Variants in RNF216 observed in about 807,000 individuals in gnomAD.
RNF216 encodes the protein E3 ubiquitin-protein ligase RNF216.
In RNF216, 72 loss-of-function variants were observed where a neutral mutation model predicts 110.8. The observed-to-expected ratio is 0.65, with a 90% CI of 0.54 to 0.79. The LOEUF is 0.79. Ranked by LOEUF, RNF216 falls within the 30% of genes least tolerant of loss-of-function variation. RNF216 has a pLI of 0.00. For missense variants in RNF216, 1,342 were observed against 1,141.2 expected (o/e 1.18, Z -2.54); for synonymous variants, 495 against 407.5 (o/e 1.21, Z -2.59).
intron 15 of RNF216, among the ~76,000 whole-genome samples, chr7:5,627,751 A>G (rs902118471): frequency 6.6e-6 from 1 of 151,942 alleles, no homozygotes; most frequent in Non-Finnish European, 1.5e-5. Context: ...GTCTAAAAAA[A>G]AAAAAAAGAC....
intron 1 of RNF216, among the ~76,000 whole-genome samples, chr7:5,780,797 G>A (rs1158938742): frequency 1.3e-5 from 2 of 152,214 alleles, no homozygotes; most frequent in East Asian, 3.8e-4. Flanking sequence ...CAGGCCCTTA[G>A]GGATTTACAG....
Position 5,696,999 on chromosome 7 carries a change from C to T in RNF216, c.2061+14762G>A, listed in dbSNP as rs74572899. ...ATTACGCCAGCAACAGCTCCAGGGA[C>T]GGGGGTAGGGGAAGTCTCCAAAATA... On this transcript the variant is annotated intron_variant, in intron 13 of 16. Transcript: ENST00000389902. This position sits in a 1 kb window ranked among gnomAD's most constrained non-coding sequence, Gnocchi z 5.4. Among the ~76,000 whole-genome samples, 9 of 152,226 alleles carry T rather than the reference C, an allele frequency of 5.9e-5. No homozygotes were observed. Among genetic ancestry groups the T allele is most frequent in the East Asian group, 3.9e-4 (2 of 5,182 alleles).
intron 13 of RNF216, among the ~76,000 whole-genome samples, chr7:5,690,892 T>A (rs1791293819): frequency 6.6e-6 from 1 of 152,148 alleles, no homozygotes; most frequent in Admixed American, 6.5e-5. Context: ...TACACATTCA[T>A]CATGGAATTG....
intron 13 of RNF216, among the ~76,000 whole-genome samples, chr7:5,678,822 A>G (rs1478009979): frequency 1.3e-5 from 2 of 152,204 alleles, no homozygotes; most frequent in East Asian, 3.9e-4. Flanking sequence ...TCATCAGGGA[A>G]GACATGAGAG....
intron 13 of RNF216, among the ~76,000 whole-genome samples, chr7:5,710,517 A>G (rs1052591340): frequency 2.6e-5 from 4 of 152,174 alleles, no homozygotes; most frequent in Non-Finnish European, 5.9e-5. Flanking sequence ...TAAGCAACTC[A>G]TGAAGACCCA....
chr7:5,766,944 A>G (rs1179912890), intron 1 of RNF216: 2 of 152,238 alleles, frequency 1.3e-5, no homozygotes, highest in African/African-American at 4.8e-5. Context: ...CAGAGGCTAA[A>G]AGAGAGAATA....
At chr7:5,755,241 AG>A (rs1795570975) in intron 2 of RNF216, among the ~76,000 whole-genome samples, 1 of 1,612 alleles carries the variant, frequency 6.2e-4, no homozygotes, top group Non-Finnish European at 1.9e-3. Flanking sequence ...GAAGGATGAA[AG>A]GAAGGAAGGA....
intron 13 of RNF216, among the ~76,000 whole-genome samples, chr7:5,689,352 T>A: frequency 7.0e-6 from 1 of 143,160 alleles, no homozygotes; most frequent in African/African-American, 2.7e-5. Flanking sequence ...AATAACCATA[T>A]TTGTAGTATT....
intron 13 of RNF216, among the ~76,000 whole-genome samples, chr7:5,670,650 A>G (rs542984333): frequency 6.6e-5 from 10 of 152,278 alleles, no homozygotes; most frequent in Admixed American, 2.0e-4. Context: ...TAGTTTCTTC[A>G]TGTCCGACAA....
chr7:5,754,417 C>T (rs1257842806), intron 2 of RNF216, among the ~76,000 whole-genome samples: 1 of 152,052 alleles, frequency 6.6e-6, no homozygotes, highest in Non-Finnish European at 1.5e-5. Context: ...CCACCTCGGC[C>T]TCCCAAGAAG....
In RNF216 at chr7:5,741,272, C is replaced by T. The variant is rs200838092; in HGVS notation, c.745G>A (p.Val249Ile). ...NQQPREITNQ[V>I]VPQERQPEAE... is the part of the protein sequence containing the mutation. ...TCAGGCTGCCGTTCCTGAGGAACGACCTGGTTTGTTATTTCACGGGGCTGT... is the reference window on the plus strand; with the variant it reads ...TCAGGCTGCCGTTCCTGAGGAACGATCTGGTTTGTTATTTCACGGGGCTGT... Residue 249 changes from valine to isoleucine, a missense_variant, in exon 4 of 17, where the codon GTC (valine) becomes ATC (isoleucine). Coordinates refer to ENST00000389902, the MANE Select transcript of RNF216 (RefSeq NM_207111.4). 1.2e-6 allele frequency: 2 copies of T among 1,614,072 alleles called. No individual in the cohort carries two copies. The highest frequency in any genetic ancestry group is 1.7e-6 in the Non-Finnish European group (2 of 1,179,992).
At chr7:5,768,516 C>CTT (rs910834198) in intron 1 of RNF216, among the ~76,000 whole-genome samples, 14 of 152,174 alleles carry the variant, frequency 9.2e-5, no homozygotes, top group African/African-American at 3.4e-4. Context: ...AATACACATT[C>CTT]TTTTCAAGTG....
chr7:5,667,746 T>G (rs1416305010), intron 13 of RNF216, among the ~76,000 whole-genome samples: 2 of 152,240 alleles, frequency 1.3e-5, no homozygotes. Flanking sequence ...ACTGTCAGCA[T>G]GCCCTGGAAG....
At chr7:5,669,160 C>G (rs1789733485) in intron 13 of RNF216, among the ~76,000 whole-genome samples, 1 of 152,186 alleles carries the variant, frequency 6.6e-6, no homozygotes, top group Non-Finnish European at 1.5e-5. Context: ...ACCTGCCAGC[C>G]TGAGAGGAAT....
At chr7:5,669,414 G>T (rs1789751882) in intron 13 of RNF216, among the ~76,000 whole-genome samples, 1 of 152,180 alleles carries the variant, frequency 6.6e-6, no homozygotes, top group Admixed American at 6.5e-5. Flanking sequence ...TGGCTGAAAA[G>T]ACTGGCAGAG....
rs142146959 is a variant in RNF216 at position 5,642,871 on chromosome 7, G to C, written c.2160-1495C>G. ...TCTACAGCACAAACCTTCTCTGTAA[G>C]AGCACCCTGAGGCTGAGGTGCGGCT... On this transcript the variant is annotated intron_variant, in intron 14 of 16. Coordinates refer to ENST00000389902, the MANE Select transcript of RNF216 (RefSeq NM_207111.4). Among the ~76,000 whole-genome samples, 7 of 152,336 alleles carry C rather than the reference G, an allele frequency of 4.6e-5. No individual in the cohort carries two copies. In the East Asian group the frequency reaches 1.4e-3, roughly 29 times the overall value.
intron 1 of RNF216, among the ~76,000 whole-genome samples, chr7:5,772,053 G>C (rs1584619699): frequency 1.3e-5 from 2 of 152,142 alleles, no homozygotes; most frequent in East Asian, 3.9e-4. Flanking sequence ...GACCAACATG[G>C]AGAAACCCTG....
chr7:5,668,471 C>T (rs921707443), intron 13 of RNF216, among the ~76,000 whole-genome samples: 3 of 152,234 alleles, frequency 2.0e-5, no homozygotes, highest in Admixed American at 2.0e-4. Flanking sequence ...GATCTGCCCG[C>T]CTCGGCCTCC....
Position 5,741,265 on chromosome 7 carries a change from G to T in RNF216, c.752C>A (p.Pro251His). 1.2e-6 allele frequency: 2 copies of T among 1,614,118 alleles called. No individual in the cohort carries two copies. Among genetic ancestry groups the T allele is most frequent in the Non-Finnish European group, 1.7e-6 (2 of 1,180,004 alleles). Residue 251 changes from proline (P) to histidine (H), a missense_variant, in exon 4 of 17, where the codon CCT becomes CAT. Physicochemically the swap from Pro to His is moderately conservative, Grantham distance 77. Transcript: ENST00000389902. The part of the protein sequence containing the change: ...QPREITNQVV[P>H]QERQPEAELG... ...TTCTGCTTCAGGCTGCCGTTCCTGA[G>T]GAACGACCTGGTTTGTTATTTCACG...
Sources: gnomAD v4.1 joint callset for allele counts (sites outside exome capture counted in the v4.1 genomes callset) on GRCh38, gnomAD v4.1.1 for gene constraint, Gnocchi (gnomAD v3.1) non-coding constraint, MANE v1.5 for transcripts, NCBI Gene and HGNC (gene_info 2026-07-23, HGNC 2026-07-21) for gene names.